Variants in NFAT5 observed in about 807,000 individuals in gnomAD.
NFAT5 encodes the protein nuclear factor of activated T-cells 5.
Under a neutral mutation model 166.5 loss-of-function variants are expected in NFAT5, and 31 were observed. The ratio of observed to expected loss-of-function variants is 0.19; its 90% CI spans 0.14 to 0.25. The LOEUF is 0.25. Among genes scored for constraint, NFAT5 ranks in the 10% least tolerant of loss-of-function variants. The probability of loss-of-function intolerance (pLI) is 1.00; values close to 1 mark genes in which losing one functional copy is unlikely to be tolerated. For missense variants in NFAT5, 1,449 were observed against 1,821.8 expected (o/e 0.80, Z 3.72); for synonymous variants, 612 against 639.7 (o/e 0.96, Z 0.65).
At chr16:69,649,526 G>A in intron 4 of NFAT5, 13 of 983,648 alleles carry the variant, frequency 1.3e-5, no homozygotes, top group Non-Finnish European at 1.6e-5. Context: ...AATTCATGGA[G>A]CAGAAATTCC....
intron 10 of NFAT5, among the ~76,000 whole-genome samples, chr16:69,680,197 T>C (rs927045887): frequency 3.9e-5 from 6 of 152,224 alleles, no homozygotes; most frequent in Admixed American, 2.0e-4. Flanking sequence ...ATTTAATGTT[T>C]GGCAGGAGCT....
intron 2 of NFAT5, among the ~76,000 whole-genome samples, chr16:69,624,595 T>C (rs746025841): frequency 1.3e-5 from 2 of 152,222 alleles, no homozygotes; most frequent in Non-Finnish European, 2.9e-5. Context: ...ATTTTAGCTT[T>C]CTTTCATGAC....
At chr16:69,673,688 A>G (rs1302735280) in intron 9 of NFAT5, among the ~76,000 whole-genome samples, 3 of 152,108 alleles carry the variant, frequency 2.0e-5, no homozygotes, top group African/African-American at 7.2e-5. Flanking sequence ...CCGCCACTGC[A>G]CTTCCACGTG....
At chr16:69,653,575 A>T in intron 5 of NFAT5, 147 bp downstream of exon 5, 2 of 354,680 alleles carry the variant, frequency 5.6e-6, no homozygotes, top group Non-Finnish European at 9.7e-6. Context: ...TTTAGAAAGA[A>T]TTTTTTTTTT....
chr16:69,616,486 A>C (rs2033949809), intron 2 of NFAT5, among the ~76,000 whole-genome samples: 1 of 151,574 alleles, frequency 6.6e-6, no homozygotes, highest in Non-Finnish European at 1.5e-5. Flanking sequence ...CATTCTATTC[A>C]TGCTTTTACT....
intron 11 of NFAT5, among the ~76,000 whole-genome samples, chr16:69,689,293 A>G (rs1249479197): frequency 2.0e-5 from 3 of 152,134 alleles, no homozygotes; most frequent in African/African-American, 7.2e-5. Context: ...AATAAAATAA[A>G]AATCTGGTTG....
chr16:69,612,406 T>G (rs932279447), intron 2 of NFAT5, among the ~76,000 whole-genome samples: 5 of 144,124 alleles, frequency 3.5e-5, no homozygotes, highest in African/African-American at 7.8e-5. Context: ...TTTATGTATA[T>G]TATTCAACTT....
At position 69,648,953 on chromosome 16, in the gene NFAT5, G is replaced by A. The variant is rs946352309; in HGVS notation, c.812+1367G>A. The stretch of plus-strand genomic sequence containing the variant: ...CTTTAAGCAATAATTACTCTACACC[G>A]CTTCTTTACCTCCTTAAGGGTGATG... On this transcript the variant is annotated intron_variant, in intron 4 of 14. Transcript: ENST00000349945. 1.4e-5 allele frequency: 14 copies of A among 976,616 alleles called. No homozygotes were observed. In the Admixed American group the frequency reaches 3.7e-4, roughly 26 times the overall value. 60.5% of individuals were successfully genotyped at this position (976,616 alleles called of 1,614,324 possible). A position where few individuals can be genotyped will look rare whatever the true frequency, so the allele number is the denominator to read the frequency against.
At chr16:69,584,006 C>T (rs1399705108) in intron 2 of NFAT5, among the ~76,000 whole-genome samples, 5 of 152,096 alleles carry the variant, frequency 3.3e-5, no homozygotes, top group African/African-American at 4.8e-5. Flanking sequence ...GGGCAGATCA[C>T]TTGAGGTCAG....
Position 69,694,172 on chromosome 16 carries a change from C to T in NFAT5, c.4347C>T (p.Asn1449=). ...ACAACACAGCAGGAGGCACAATGAA[C>T]CAACTGCAGAATTCTCCTGGCTCAT... is the stretch of plus-strand genomic sequence containing the variant. The part of the protein sequence containing the change: ...LFHNTAGGTM[N]QLQNSPGSSQ... The change falls in exon 13 of 15, where the codon AAC becomes AAT. Residue 1449 remains asparagine, a synonymous_variant. Transcript: ENST00000349945. The T allele has an allele frequency of 1.9e-6, 3 of 1,614,172 alleles. No individual in the cohort carries two copies. Among genetic ancestry groups the T allele is most frequent in the Non-Finnish European group, 1.7e-6 (2 of 1,180,044 alleles).
At chr16:69,627,037 C>T (rs925773248) in intron 3 of NFAT5, among the ~76,000 whole-genome samples, 4 of 151,350 alleles carry the variant, frequency 2.6e-5, no homozygotes, top group Admixed American at 6.6e-5. Context: ...TAATGGAGGA[C>T]GTCAATATAA....
intron 2 of NFAT5, among the ~76,000 whole-genome samples, chr16:69,606,852 A>G (rs1174900377): frequency 5.9e-5 from 9 of 152,170 alleles, no homozygotes; most frequent in Non-Finnish European, 1.2e-4. Flanking sequence ...AGACTGTCTC[A>G]GAACAACAAC....
intron 10 of NFAT5, among the ~76,000 whole-genome samples, chr16:69,680,103 G>C (rs2151692285): frequency 1.3e-5 from 2 of 152,266 alleles, no homozygotes; most frequent in South Asian, 4.2e-4. Context: ...GGGCGACAGA[G>C]CAAGACTCCA....
At chr16:69,654,742 G>T (rs1296120754) in intron 5 of NFAT5, among the ~76,000 whole-genome samples, 4 of 152,136 alleles carry the variant, frequency 2.6e-5, no homozygotes, top group Non-Finnish European at 5.9e-5. Context: ...CTGCTGACCA[G>T]CAATTTGACT....
At chr16:69,568,380 A>G (rs62052823) in intron 1 of NFAT5, 115 bp from the exon 2 acceptor site, 48,687 of 177,178 alleles carry the variant, frequency 0.27, 5,890 homozygotes, top group African/African-American at 0.44. Flanking sequence ...GTGTGTGTAT[A>G]TATATATATA....
intron 3 of NFAT5, among the ~76,000 whole-genome samples, chr16:69,634,887 C>T (rs2034888839): frequency 6.6e-6 from 1 of 152,052 alleles, no homozygotes; most frequent in Non-Finnish European, 1.5e-5. Context: ...TGTAGTTAGA[C>T]AATAATACCA....
At chr16:69,668,347 C>T (rs1020625660) in intron 7 of NFAT5, among the ~76,000 whole-genome samples, 3 of 152,144 alleles carry the variant, frequency 2.0e-5, no homozygotes, top group African/African-American at 4.8e-5. Context: ...TTGAAAATGT[C>T]ATTTATCATA....
intron 2 of NFAT5, among the ~76,000 whole-genome samples, chr16:69,590,038 G>A (rs1246299532): frequency 2.0e-5 from 3 of 152,120 alleles, no homozygotes. Flanking sequence ...GCCAAGTCTG[G>A]TGGCACATGC....
intron 3 of NFAT5, chr16:69,632,368 G>T (rs1481946908): frequency 3.3e-5 from 5 of 151,922 alleles, no homozygotes. Flanking sequence ...CTTTTACCTA[G>T]TTCTTACTCC....
Sources: allele counts gnomAD v4.1 joint callset (sites outside exome capture counted in the v4.1 genomes callset), GRCh38; gene constraint gnomAD v4.1.1; transcripts MANE v1.5; gene names NCBI Gene and HGNC (gene_info 2026-07-23, HGNC 2026-07-21).